CREB5: variants seen among roughly 807,000 people sequenced by gnomAD.
The protein encoded by CREB5 is cAMP responsive element binding protein 5.
Under a neutral mutation model 57.1 loss-of-function variants are expected in CREB5, and 19 were observed. The observed-to-expected ratio is 0.33, with a 90% CI of 0.23 to 0.49. CREB5 has a LOEUF of 0.49. Among genes scored for constraint, CREB5 ranks in the 20% least tolerant of loss-of-function variants. The pLI is 0.99. For synonymous variants in CREB5, 238 were observed against 238.3 expected, an observed-to-expected ratio of 1.00 and a Z score of 0.01; for missense variants, 579 against 671.6, an observed-to-expected ratio of 0.86 and a Z score of 1.52.
At chr7:28,810,531 A>G (rs1455082584) in intron 9 of CREB5, among the ~76,000 whole-genome samples, 1 of 151,998 alleles carries the variant, frequency 6.6e-6, no homozygotes, top group Non-Finnish European at 1.5e-5. Flanking sequence ...CGTCTCTACT[A>G]AAAACACAAA....
intron 5 of CREB5, among the ~76,000 whole-genome samples, chr7:28,641,292 C>T (rs762976584): frequency 5.3e-5 from 8 of 152,120 alleles, no homozygotes; most frequent in South Asian, 2.1e-4. Flanking sequence ...ACCCCCCCAT[C>T]GGGTGATGGC....
At chr7:28,309,405 C>G (rs144485014) in intron 1 of CREB5, among the ~76,000 whole-genome samples, 1 of 152,272 alleles carries the variant, frequency 6.6e-6, no homozygotes, top group South Asian at 2.1e-4. Context: ...GATGCCATAA[C>G]CATGGCCAGT....
In CREB5 at chr7:28,635,320, A is replaced by G. The variant is rs1043393267; in HGVS notation, c.464+64783A>G. On this transcript the variant is annotated intron_variant, in intron 5 of 10. Coordinates refer to ENST00000357727, the MANE Select transcript of CREB5 (RefSeq NM_182898.4). ...ATTTGGCACATTATTTCTCTGCTAT[A>G]TCTTACCCTCATTTATTCCACTCTT... Among the ~76,000 whole-genome samples, 3 of 152,202 alleles carry G rather than the reference A, an allele frequency of 2.0e-5. No individual in the cohort carries two copies. The South Asian group carries it at 6.2e-4, about 32-fold the overall frequency.
At chr7:28,487,004 A>G (rs950183406) in intron 1 of CREB5, among the ~76,000 whole-genome samples, 5 of 152,090 alleles carry the variant, frequency 3.3e-5, no homozygotes, top group African/African-American at 1.2e-4. Flanking sequence ...AGACTACAGT[A>G]TAATTTAACA....
At chr7:28,719,434 G>A (rs76803761) in intron 6 of CREB5, among the ~76,000 whole-genome samples, 9,047 of 152,232 alleles carry the variant, frequency 0.059, 359 homozygotes, top group Non-Finnish European at 0.091. Flanking sequence ...GTGTATTACT[G>A]TCCCCACTTT....
At position 28,819,443 on chromosome 7, in the gene CREB5, G is replaced by T; in HGVS notation, c.*164G>T. ...ATGGAAATGTTGTCTTTTATACTTAGTTATATAAGAAAAAAGGGAGTTATG... is the reference window on the plus strand; with the variant it reads ...ATGGAAATGTTGTCTTTTATACTTATTTATATAAGAAAAAAGGGAGTTATG... On this transcript the variant is annotated 3_prime_UTR_variant, in exon 11 of 11. Transcript: ENST00000357727. The T allele has an allele frequency of 4.5e-6, 3 of 660,450 alleles. No individual in the cohort carries two copies. Among genetic ancestry groups the T allele is most frequent in the South Asian group, 5.6e-5 (2 of 35,810 alleles). 40.9% of individuals were successfully genotyped at this position (660,450 alleles called of 1,614,324 possible).
intron 3 of CREB5, among the ~76,000 whole-genome samples, chr7:28,496,405 A>G (rs989495064): frequency 2.6e-5 from 4 of 152,194 alleles, no homozygotes; most frequent in African/African-American, 9.7e-5. Context: ...TTTTATTTTA[A>G]GTTCTGGGAA....
chr7:28,806,394 A>T (rs552855351), intron 8 of CREB5, among the ~76,000 whole-genome samples: 1 of 152,326 alleles, frequency 6.6e-6, no homozygotes, highest in South Asian at 2.1e-4. Context: ...CTGATTACTG[A>T]GATCTTGCCA....
At chr7:28,572,814 G>A (rs1223800536) in intron 5 of CREB5, among the ~76,000 whole-genome samples, 2 of 152,200 alleles carry the variant, frequency 1.3e-5, no homozygotes, top group African/African-American at 2.4e-5. Flanking sequence ...CCTGGATGGA[G>A]GCGGGTGTTT....
At chr7:28,722,654 A>T (rs1014486334) in intron 6 of CREB5, among the ~76,000 whole-genome samples, 2 of 152,292 alleles carry the variant, frequency 1.3e-5, no homozygotes, top group Middle Eastern at 3.4e-3. Flanking sequence ...GGGAGTGAAC[A>T]TTTTATTTTA....
rs1200278288 is a variant in CREB5, at chr7:28,658,729, A to C, written c.465-60024A>C. On this transcript the variant is annotated intron_variant, in intron 5 of 10. Coordinates refer to ENST00000357727, the MANE Select transcript of CREB5 (RefSeq NM_182898.4). ...CTGATCAAATCAAGGGGTGATGGGA[A>C]GGCCATGTTGAGTCGCCAGTTTTGG... Among the ~76,000 whole-genome samples, 3 of 152,146 alleles carry C rather than the reference A, an allele frequency of 2.0e-5. No individual in the cohort carries two copies. The South Asian group carries it at 6.2e-4, about 32-fold the overall frequency.
At chr7:28,410,080 G>A (rs1000351721), upstream of CREB5, 9 of 398,096 alleles carry the variant, frequency 2.3e-5, no homozygotes, top group Non-Finnish European at 4.0e-5. Context: ...GGGCGCGCGC[G>A]CAGGGGGCTC....
chr7:28,524,921 A>G (rs907866316), intron 4 of CREB5, among the ~76,000 whole-genome samples: 1 of 152,148 alleles, frequency 6.6e-6, no homozygotes, highest in East Asian at 1.9e-4. Context: ...AGTAGAACTT[A>G]TTTCTTCTAT....
intron 7 of CREB5, among the ~76,000 whole-genome samples, chr7:28,797,997 A>C (rs1006393618): frequency 1.3e-5 from 2 of 151,850 alleles, no homozygotes; most frequent in Admixed American, 6.5e-5. Flanking sequence ...TGCTTTGGAG[A>C]GGCCACAGAG....
chr7:28,601,034 A>C (rs1796896373), intron 5 of CREB5, among the ~76,000 whole-genome samples: 1 of 152,216 alleles, frequency 6.6e-6, no homozygotes, highest in Non-Finnish European at 1.5e-5. Context: ...CAATTAAAAA[A>C]TGAGAGAGCA....
chr7:28,709,686 T>TA (rs879727091), intron 5 of CREB5, among the ~76,000 whole-genome samples: 164 of 125,082 alleles, frequency 1.3e-3, no homozygotes, highest in African/African-American at 3.4e-3. Flanking sequence ...AGGCTTTTAT[T>TA]AAAAAAAAAA....
chr7:28,423,159 T>C (rs1305925464), intron 1 of CREB5, among the ~76,000 whole-genome samples: 1 of 152,196 alleles, frequency 6.6e-6, no homozygotes, highest in Non-Finnish European at 1.5e-5. Flanking sequence ...TGGAACCAAG[T>C]GTGCTCTTTG....
intron 1 of CREB5, among the ~76,000 whole-genome samples, chr7:28,316,205 G>A (rs1785375996): frequency 6.6e-6 from 1 of 152,142 alleles, no homozygotes; most frequent in Non-Finnish European, 1.5e-5. Flanking sequence ...CCACAAGTAT[G>A]ATATGGTTTG....
chr7:28,786,278 G>A (rs1583741456), intron 7 of CREB5, among the ~76,000 whole-genome samples: 2 of 152,076 alleles, frequency 1.3e-5, no homozygotes, highest in African/African-American at 2.4e-5. Flanking sequence ...ATGGAGTCTC[G>A]CTCTGTTACC....
Sources: allele counts gnomAD v4.1 joint callset (sites outside exome capture counted in the v4.1 genomes callset), GRCh38; gene constraint gnomAD v4.1.1; transcripts MANE v1.5; gene names NCBI Gene and HGNC (gene_info 2026-07-23, HGNC 2026-07-21).